Variants in NAV2 observed in about 807,000 individuals in gnomAD.
NAV2 encodes the protein neuron navigator 2.
Under a neutral mutation model 223.2 loss-of-function variants are expected in NAV2, and 54 were observed. That is an observed-to-expected ratio of 0.24 (90% CI 0.19 to 0.30). The LOEUF is 0.30. NAV2 is among the 10% of genes least tolerant of loss of function. NAV2 has a pLI of 1.00. For missense variants in NAV2, 2,806 were observed against 3,147.5 expected (o/e 0.89, Z 2.60); for synonymous variants, 1,279 against 1,239.3 (o/e 1.03, Z -0.67).
At chr11:19,847,881 C>A (rs925909338) in intron 3 of NAV2, among the ~76,000 whole-genome samples, 1 of 152,126 alleles carries the variant, frequency 6.6e-6, no homozygotes, top group Non-Finnish European at 1.5e-5. Flanking sequence ...GCAGTTACTA[C>A]GATAATGAAG....
At chr11:19,497,094 C>G (rs921035029) in intron 1 of NAV2, among the ~76,000 whole-genome samples, 5 of 152,180 alleles carry the variant, frequency 3.3e-5, no homozygotes, top group Admixed American at 6.5e-5. Context: ...GGTACCCATT[C>G]CAAAGTGCAG....
chr11:19,963,942 A>G (rs779726742), intron 10 of NAV2, among the ~76,000 whole-genome samples: 14 of 152,086 alleles, frequency 9.2e-5, no homozygotes, highest in Non-Finnish European at 1.8e-4. Context: ...TCAGTCACCT[A>G]TGGTTTCTAG....
At chr11:19,853,845 T>C (rs2061273473) in intron 3 of NAV2, among the ~76,000 whole-genome samples, 1 of 151,798 alleles carries the variant, frequency 6.6e-6, no homozygotes, top group African/African-American at 2.4e-5. Flanking sequence ...ATTAACTTCT[T>C]TGAGGACAGT....
intron 1 of NAV2, among the ~76,000 whole-genome samples, chr11:19,536,547 C>A (rs867581408): frequency 1.3e-5 from 2 of 152,154 alleles, no homozygotes; most frequent in East Asian, 1.9e-4. Context: ...GTGCCAATAC[C>A]CATTAAAGTT....
At chr11:19,480,603 A>G (rs2042248553) in intron 1 of NAV2, among the ~76,000 whole-genome samples, 1 of 152,250 alleles carries the variant, frequency 6.6e-6, no homozygotes, top group African/African-American at 2.4e-5. Flanking sequence ...AAATCCAAGA[A>G]GAGAAGGGAA....
chr11:19,382,489 T>G (rs1378619559), intron 1 of NAV2, among the ~76,000 whole-genome samples: 3 of 152,172 alleles, frequency 2.0e-5, no homozygotes, highest in Admixed American at 2.0e-4. Context: ...AGCCAGATGC[T>G]CCGGCAGCCC....
chr11:19,566,807 G>C (rs765864536), intron 1 of NAV2, among the ~76,000 whole-genome samples: 6 of 152,216 alleles, frequency 3.9e-5, no homozygotes, highest in African/African-American at 9.7e-5. Context: ...AAGGTCTAGA[G>C]GGGCATGATA....
At chr11:19,459,954 T>G (rs2133851879) in intron 1 of NAV2, among the ~76,000 whole-genome samples, 1 of 152,264 alleles carries the variant, frequency 6.6e-6, no homozygotes, top group East Asian at 1.9e-4. Flanking sequence ...ATCAGCATGG[T>G]GTAGTGGATA....
At chr11:20,072,777 A>G (rs529948673) in intron 22 of NAV2, among the ~76,000 whole-genome samples, 15 of 152,264 alleles carry the variant, frequency 9.9e-5, no homozygotes, top group Admixed American at 9.2e-4. Context: ...ATTTTTGCAC[A>G]TTGATTTTGT....
At chr11:19,990,173 C>A (rs2051184273) in intron 11 of NAV2, among the ~76,000 whole-genome samples, 1 of 152,212 alleles carries the variant, frequency 6.6e-6, no homozygotes, top group African/African-American at 2.4e-5. Flanking sequence ...TCCTTTCTTA[C>A]ACAGAGCTGG....
intron 1 of NAV2, among the ~76,000 whole-genome samples, chr11:19,699,371 C>T (rs2049443219): frequency 6.6e-6 from 1 of 152,178 alleles, no homozygotes; most frequent in Non-Finnish European, 1.5e-5. Flanking sequence ...AGTTCTTACC[C>T]CAAATGCTGC....
rs1456677034 is a variant in NAV2 at position 19,713,778 on chromosome 11, C to A, written c.83C>A (p.Pro28His). The change falls in exon 1 of 38, where the codon CCC (proline) becomes CAC (histidine). Residue 28 changes from proline (P) to histidine (H), a missense_variant. Around this residue, in one of 4 missense-constraint regions of NAV2, gnomAD observed 1,167 missense variants for 1,180.5 expected, o/e 0.99. Coordinates refer to ENST00000349880, the MANE Select transcript of NAV2 (RefSeq NM_145117.5). The surrounding 1 kb of genome is among the most constrained non-coding windows in gnomAD (Gnocchi z 7.2). ...AGCGCCGCGCCCATCCTGCACGTGC[C>A]CCCGGCCCGGGCGGGCCCCCAGCCC... ...VHSAAPILHV[P>H]PARAGPQPCY... is the part of the protein sequence containing the mutation. 1.2e-6 allele frequency: 2 copies of A among 1,612,810 alleles called. No individual in the cohort carries two copies. Among genetic ancestry groups the A allele is most frequent in the Non-Finnish European group, 1.7e-6 (2 of 1,179,732 alleles).
chr11:19,930,226 A>G (rs975829632), intron 6 of NAV2, among the ~76,000 whole-genome samples: 4 of 152,202 alleles, frequency 2.6e-5, no homozygotes, highest in African/African-American at 9.6e-5. Context: ...TCAGATGGCC[A>G]TTTCACCAAG....
intron 5 of NAV2, chr11:19,884,407 C>T (rs1222453985): frequency 6.6e-7 from 1 of 1,510,828 alleles, no homozygotes; most frequent in Non-Finnish European, 9.2e-7. Flanking sequence ...TAATCCCAAC[C>T]CACTGTTCCA....
intron 5 of NAV2, among the ~76,000 whole-genome samples, chr11:19,886,579 A>G (rs543947740): frequency 3.9e-4 from 59 of 152,296 alleles, no homozygotes; most frequent in African/African-American, 1.4e-3. Flanking sequence ...CATACATAGG[A>G]AAGGAAAGGG....
intron 5 of NAV2, chr11:19,884,169 C>G: frequency 3.1e-6 from 2 of 640,812 alleles, no homozygotes; most frequent in Non-Finnish European, 5.5e-6. Flanking sequence ...TCATAGAAAA[C>G]AGTGGGCAGG....
chr11:19,815,637 C>A (rs759447513), intron 1 of NAV2, among the ~76,000 whole-genome samples: 37 of 152,324 alleles, frequency 2.4e-4, no homozygotes, highest in Non-Finnish European at 4.7e-4. Context: ...ATCTGAATGA[C>A]CTGGCCTGAT....
chr11:19,917,979 G>A (rs2043950314), intron 6 of NAV2, among the ~76,000 whole-genome samples: 1 of 152,118 alleles, frequency 6.6e-6, no homozygotes, highest in African/African-American at 2.4e-5. Flanking sequence ...TTCCCCATTG[G>A]ACAGACCTGG....
chr11:19,580,928 C>T (rs1253650548), intron 1 of NAV2, among the ~76,000 whole-genome samples: 2 of 152,218 alleles, frequency 1.3e-5, no homozygotes, highest in African/African-American at 4.8e-5. Flanking sequence ...TTATAGGATA[C>T]TCATCCTATC....
Sources: allele counts gnomAD v4.1 joint callset (sites outside exome capture counted in the v4.1 genomes callset), GRCh38; gene constraint gnomAD v4.1.1; regional missense constraint gnomAD v4.1.1; non-coding constraint Gnocchi (gnomAD v3.1); transcripts MANE v1.5; gene names NCBI Gene and HGNC (gene_info 2026-07-23, HGNC 2026-07-21).